The following NDRG3 variants were observed in gnomAD, a reference collection of about 807,000 sequenced individuals.
NDRG3 encodes NDRG family member 3.
NDRG3 carries 23 observed loss-of-function variants against 57.2 expected under a neutral mutation model. The observed-to-expected ratio is 0.40, with a 90% confidence interval of 0.29 to 0.57. NDRG3 has a LOEUF of 0.57. Ranked by LOEUF, NDRG3 falls within the 20% of genes least tolerant of loss-of-function variation. The pLI, the probability that NDRG3 is intolerant of heterozygous loss-of-function variation, is 0.42. For synonymous variants in NDRG3, 132 were observed against 162.6 expected (o/e 0.81, Z 1.43); for missense variants, 384 against 457.3 (o/e 0.84, Z 1.46).
At chr20:36,673,069 G>C (rs1180519955) in intron 8 of NDRG3, among the ~76,000 whole-genome samples, 2 of 151,992 alleles carry the variant, frequency 1.3e-5, no homozygotes, top group Non-Finnish European at 2.9e-5. Context: ...TCACTGTGTT[G>C]CCCAGGGTAG....
Position 36,708,300 on chromosome 20 carries a change from T to C in NDRG3, c.58-1293A>G, listed in dbSNP as rs59133687. Among the ~76,000 whole-genome samples, 929 of 152,204 alleles carry C rather than the reference T, an allele frequency of 6.1e-3. 12 individuals are homozygous for C. The highest frequency in any genetic ancestry group is 0.021 in the African/African-American group (870 of 41,532). On this transcript the variant is annotated intron_variant, in intron 2 of 15. Transcript: ENST00000349004. ...CCCCTCCAGAGATACTCCAGATATC[T>C]GATCCCCAAAAAATACTGAGTAGTC...
chr20:36,706,921 A>C (rs779348554), intron 3 of NDRG3, 51 bp downstream of exon 3: 1 of 1,516,426 alleles, frequency 6.6e-7, no homozygotes, highest in African/African-American at 1.4e-5. Context: ...AGGAAAGGAA[A>C]CACTGCAGAG....
At chr20:36,743,658 T>C (rs1186432715) in intron 1 of NDRG3, among the ~76,000 whole-genome samples, 1 of 149,438 alleles carries the variant, frequency 6.7e-6, no homozygotes, top group Non-Finnish European at 1.5e-5. Context: ...ACTAAAAAAA[T>C]ACAAAAAAAA....
chr20:36,744,188 C>G (rs191055528), intron 1 of NDRG3, among the ~76,000 whole-genome samples: 1 of 152,126 alleles, frequency 6.6e-6, no homozygotes. Flanking sequence ...AGGCGTGAGC[C>G]GCAGCGCCCG....
At chr20:36,711,530 A>G (rs1983879521) in intron 2 of NDRG3, among the ~76,000 whole-genome samples, 1 of 152,160 alleles carries the variant, frequency 6.6e-6, no homozygotes, top group Admixed American at 6.5e-5. Flanking sequence ...CTGTCATTGT[A>G]TCCATGAATT....
At chr20:36,678,573 C>T (rs1980961401) in intron 8 of NDRG3, among the ~76,000 whole-genome samples, 1 of 152,050 alleles carries the variant, frequency 6.6e-6, no homozygotes, top group South Asian at 2.1e-4. Flanking sequence ...CCCAGCTACT[C>T]GGGAGGCTGA....
At chr20:36,714,354 G>C (rs369372204) in intron 2 of NDRG3, among the ~76,000 whole-genome samples, 1 of 137,376 alleles carries the variant, frequency 7.3e-6, no homozygotes, top group Non-Finnish European at 1.5e-5. Context: ...GCAGTGAGCC[G>C]AGACCACATC....
At chr20:36,670,179 GT>G (rs1164201213) in intron 9 of NDRG3, among the ~76,000 whole-genome samples, 2 of 152,190 alleles carry the variant, frequency 1.3e-5, no homozygotes, top group African/African-American at 4.8e-5. Flanking sequence ...TGATGAAAAT[GT>G]TTTGTGTTCT....
intron 13 of NDRG3, among the ~76,000 whole-genome samples, chr20:36,657,925 G>T (rs1978819772): frequency 6.6e-6 from 1 of 152,184 alleles, no homozygotes; most frequent in South Asian, 2.1e-4. Context: ...AGAATACTGG[G>T]AGAAACTATT....
At position 36,741,169 on chromosome 20, in the gene NDRG3, T is replaced by C. The variant is rs78434346; in HGVS notation, c.-49+4876A>G. On this transcript the variant is annotated intron_variant, in intron 1 of 15. Coordinates refer to ENST00000349004, the MANE Select transcript of NDRG3 (RefSeq NM_032013.4). ...CATTTGGCCTTTTTTTCTTTCCTTCTGTCTTCACTTCTTACCCGGATTTGT... is the reference window on the plus strand; with the variant it reads ...CATTTGGCCTTTTTTTCTTTCCTTCCGTCTTCACTTCTTACCCGGATTTGT... Among the ~76,000 whole-genome samples, 16 of 152,336 alleles carry C rather than the reference T, an allele frequency of 1.1e-4. No individual in the cohort carries two copies. In the East Asian group the frequency reaches 2.9e-3, roughly 28 times the overall value.
intron 7 of NDRG3, among the ~76,000 whole-genome samples, chr20:36,681,614 C>T (rs1015355306): frequency 1.6e-4 from 21 of 132,170 alleles, no homozygotes; most frequent in Non-Finnish European, 3.1e-4. Flanking sequence ...CCAGCCTGGG[C>T]GACACAGCAA....
chr20:36,687,405 G>C lies in NDRG3; in HGVS notation c.320+87C>G, dbSNP rs1811150383. ...ACCTATAGACGGTAATAAAATCAAAGGGAAGCACACACCACTTCTCCCACT... is the reference window on the plus strand; with the variant it reads ...ACCTATAGACGGTAATAAAATCAAACGGAAGCACACACCACTTCTCCCACT... On this transcript the variant is annotated intron_variant, in intron 5 of 15. Transcript: ENST00000349004. 4 of 1,497,534 alleles carry C rather than the reference G, an allele frequency of 2.7e-6. No homozygotes were observed. In the African/African-American group the frequency reaches 5.6e-5, roughly 21 times the overall value. 92.8% of individuals were successfully genotyped at this position (1,497,534 alleles called of 1,614,324 possible).
At chr20:36,730,941 A>G (rs1296590672) in intron 1 of NDRG3, among the ~76,000 whole-genome samples, 7 of 151,068 alleles carry the variant, frequency 4.6e-5, no homozygotes, top group Non-Finnish European at 8.9e-5. Flanking sequence ...CTGTCTCGAA[A>G]AAAAAAAAAA....
chr20:36,721,641 G>A (rs755023224), intron 2 of NDRG3, 38 bp downstream of exon 2: 24 of 1,240,544 alleles, frequency 1.9e-5, no homozygotes, highest in Non-Finnish European at 2.8e-5. Context: ...AGAAGAAAAG[G>A]CTTGTCCATA....
In NDRG3 at chr20:36,746,082, G is replaced by GGCGGCA. The variant is rs941813009; in HGVS notation, c.-87_-86insTGCCGC. The stretch of plus-strand genomic sequence containing the variant: ...CACCCGCCGTCAGTGCAGCAGCAGC[G>GGCGGCA]GCGGCGGCGGCGGCGGCGGCGGCGG... On this transcript the variant is annotated 5_prime_UTR_variant, in exon 1 of 16. Coordinates refer to ENST00000349004, the MANE Select transcript of NDRG3 (RefSeq NM_032013.4). 4.1e-4 allele frequency: 8 copies of GGCGGCA among 19,738 alleles called. No homozygotes were observed. Among genetic ancestry groups the GGCGGCA allele is most frequent in the African/African-American group, 1.5e-3 (4 of 2,664 alleles). 1.2% of individuals were successfully genotyped at this position (19,738 alleles called of 1,614,324 possible).
chr20:36,720,158 A>G (rs1397238441), intron 2 of NDRG3, among the ~76,000 whole-genome samples: 1 of 151,668 alleles, frequency 6.6e-6, no homozygotes, highest in Non-Finnish European at 1.5e-5. Flanking sequence ...AATAAGGAAC[A>G]AGAGAGAAAA....
At chr20:36,685,733 G>T (rs1981728568) in intron 5 of NDRG3, among the ~76,000 whole-genome samples, 1 of 152,224 alleles carries the variant, frequency 6.6e-6, no homozygotes. Flanking sequence ...ATCCGACTGG[G>T]AGCGTTGGCT....
At chr20:36,664,639 G>C (rs1323328569) in intron 12 of NDRG3, among the ~76,000 whole-genome samples, 1 of 152,152 alleles carries the variant, frequency 6.6e-6, no homozygotes, top group African/African-American at 2.4e-5. Flanking sequence ...TGTGCAATCA[G>C]AAAGAACAAA....
intron 1 of NDRG3, among the ~76,000 whole-genome samples, chr20:36,726,281 CA>C (rs1849091262): frequency 6.6e-6 from 1 of 152,060 alleles, no homozygotes; most frequent in Non-Finnish European, 1.5e-5. Flanking sequence ...AACACTTAAA[CA>C]AAGACACAAA....
Sources: allele counts gnomAD v4.1 joint callset (sites outside exome capture counted in the v4.1 genomes callset), GRCh38; gene constraint gnomAD v4.1.1; transcripts MANE v1.5; gene names NCBI Gene and HGNC (gene_info 2026-07-23, HGNC 2026-07-21).